KCNJ3: variants seen among roughly 807,000 people sequenced by gnomAD.
The protein encoded by KCNJ3 is G protein-activated inward rectifier potassium channel 1.
In KCNJ3, 4 loss-of-function variants were observed where a neutral mutation model predicts 39.2. The ratio of observed to expected loss-of-function variants is 0.10; its 90% CI spans 0.05 to 0.23. KCNJ3 has a LOEUF of 0.23. KCNJ3 is among the 10% of genes least tolerant of loss of function. KCNJ3 has a pLI of 1.00. For synonymous variants in KCNJ3, 230 were observed against 237.4 expected (o/e 0.97, Z 0.29); for missense variants, 276 against 634.9 (o/e 0.43, Z 6.08).
intron 2 of KCNJ3, among the ~76,000 whole-genome samples, chr2:154,784,661 A>G (rs2652441): frequency 0.72 from 109,256 of 151,914 alleles, 39,555 homozygotes; most frequent in Non-Finnish European, 0.76. Context: ...GATTATAGAC[A>G]TGAGCCACTG....
At chr2:154,778,848 A>G (rs1686384151) in intron 2 of KCNJ3, among the ~76,000 whole-genome samples, 1 of 152,118 alleles carries the variant, frequency 6.6e-6, no homozygotes, top group Admixed American at 6.5e-5. Flanking sequence ...ATGGGGATGT[A>G]GAAAAACTTA....
intron 2 of KCNJ3, among the ~76,000 whole-genome samples, chr2:154,727,903 C>G (rs943787265): frequency 1.3e-5 from 2 of 150,026 alleles, no homozygotes; most frequent in South Asian, 4.2e-4. Flanking sequence ...GAGTAAAATT[C>G]TCATTGCTTA....
intron 2 of KCNJ3, among the ~76,000 whole-genome samples, chr2:154,714,511 AT>A (rs1220978328): frequency 3.3e-5 from 5 of 151,960 alleles, no homozygotes; most frequent in African/African-American, 1.2e-4. Context: ...TCCACCATTT[AT>A]TTTATCTCCA....
chr2:154,709,101 T>G (rs2105151205), intron 1 of KCNJ3, among the ~76,000 whole-genome samples: 1 of 152,368 alleles, frequency 6.6e-6, no homozygotes, highest in Non-Finnish European at 1.5e-5. Flanking sequence ...GTTTGTTACT[T>G]TTCGAAAGTC....
intron 2 of KCNJ3, among the ~76,000 whole-genome samples, chr2:154,746,700 T>C (rs13415777): frequency 0.14 from 21,562 of 149,810 alleles, 1,960 homozygotes; most frequent in African/African-American, 0.26. Context: ...ATATTTCAAT[T>C]TTGAAATTTA....
At chr2:154,811,879 G>A (rs920429521) in intron 2 of KCNJ3, among the ~76,000 whole-genome samples, 8 of 152,110 alleles carry the variant, frequency 5.3e-5, no homozygotes, top group African/African-American at 1.4e-4. Flanking sequence ...TACTAGCAGG[G>A]TCTGCTCCCT....
At chr2:154,795,504 TC>T (rs537398357) in intron 2 of KCNJ3, among the ~76,000 whole-genome samples, 16 of 152,028 alleles carry the variant, frequency 1.1e-4, no homozygotes, top group Non-Finnish European at 2.2e-4. Flanking sequence ...TAGAGGAAAA[TC>T]TATGTTCTAT....
chr2:154,760,624 G>A (rs774102683), intron 2 of KCNJ3, among the ~76,000 whole-genome samples: 1 of 151,750 alleles, frequency 6.6e-6, no homozygotes, highest in Non-Finnish European at 1.5e-5. Context: ...TATAATCGTG[G>A]TCTGGTGTAG....
intron 2 of KCNJ3, among the ~76,000 whole-genome samples, chr2:154,818,180 C>T (rs1307240795): frequency 3.9e-5 from 6 of 151,956 alleles, no homozygotes; most frequent in Non-Finnish European, 8.8e-5. Context: ...TACTTCATTT[C>T]CTGATACTTT....
chr2:154,778,157 T>G (rs570872164), intron 2 of KCNJ3, among the ~76,000 whole-genome samples: 8 of 152,182 alleles, frequency 5.3e-5, no homozygotes, highest in Non-Finnish European at 1.0e-4. Context: ...CACAATTTGA[T>G]CATTTAAATG....
chr2:154,751,149 T>TA (rs1685838912), intron 2 of KCNJ3, among the ~76,000 whole-genome samples: 1 of 151,758 alleles, frequency 6.6e-6, no homozygotes. Flanking sequence ...CCTATGGAAA[T>TA]AAAAAAATTA....
At chr2:154,731,696 G>A (rs1396242125) in intron 2 of KCNJ3, among the ~76,000 whole-genome samples, 1 of 140,096 alleles carries the variant, frequency 7.1e-6, no homozygotes, top group Non-Finnish European at 1.5e-5. Flanking sequence ...GGTGATAGGT[G>A]AACAGATCTT....
intron 2 of KCNJ3, among the ~76,000 whole-genome samples, chr2:154,770,892 CTTT>C (rs35293315): frequency 7.8e-6 from 1 of 127,680 alleles, no homozygotes. Flanking sequence ...TTTTCTTTTT[CTTT>C]TTTTTTTTTT....
In KCNJ3 at chr2:154,761,062, C is replaced by CTT. The variant is rs11375045; in HGVS notation, c.919+51258_919+51259dup. Among the ~76,000 whole-genome samples, 169 of 133,882 alleles carry CTT rather than the reference C, an allele frequency of 1.3e-3. 2 individuals carry two copies. The highest frequency in any genetic ancestry group is 3.3e-3 in the East Asian group (15 of 4,498). The allele number at this position is 133,882 out of a possible 152,430, so 87.8% of individuals were successfully genotyped here. A position where few individuals can be genotyped will look rare whatever the true frequency, so the allele number is the denominator to read the frequency against. On this transcript the variant is annotated intron_variant, in intron 2 of 2. Coordinates refer to ENST00000295101, the MANE Select transcript of KCNJ3 (RefSeq NM_002239.4). ...CCCTTAAATTTTTTTTTAATTTTTT[C>CTT]TTTTTTTTTTTTTTTTGTTGTAGAG...
chr2:154,852,951 G>A (rs944008088), intron 2 of KCNJ3, among the ~76,000 whole-genome samples: 1 of 151,634 alleles, frequency 6.6e-6, no homozygotes, highest in Admixed American at 6.6e-5. Context: ...GAGACATTAC[G>A]GCAAAGTAAA....
At chr2:154,770,581 T>A (rs2105195748) in intron 2 of KCNJ3, among the ~76,000 whole-genome samples, 1 of 152,304 alleles carries the variant, frequency 6.6e-6, no homozygotes, top group Admixed American at 6.5e-5. Context: ...CTCAGTCTAT[T>A]TCATTTATTA....
intron 2 of KCNJ3, among the ~76,000 whole-genome samples, chr2:154,791,891 G>C (rs1686640605): frequency 6.6e-6 from 1 of 152,106 alleles, no homozygotes. Context: ...GTACAGGCGA[G>C]ATTTTGTATA....
At chr2:154,817,683 T>G (rs987483557) in intron 2 of KCNJ3, among the ~76,000 whole-genome samples, 2 of 152,174 alleles carry the variant, frequency 1.3e-5, no homozygotes, top group Admixed American at 1.3e-4. Context: ...TGAAATGATT[T>G]GGTCCATAAG....
chr2:154,804,305 T>C (rs1057292160), intron 2 of KCNJ3, among the ~76,000 whole-genome samples: 6 of 152,116 alleles, frequency 3.9e-5, no homozygotes, highest in African/African-American at 1.2e-4. Context: ...TGATAAAAGT[T>C]TCAACTTCAC....
Sources: gnomAD v4.1 joint callset for allele counts (sites outside exome capture counted in the v4.1 genomes callset) on GRCh38, gnomAD v4.1.1 for gene constraint, MANE v1.5 for transcripts, NCBI Gene and HGNC (gene_info 2026-07-23, HGNC 2026-07-21) for gene names.